The following PRUNE2 variants were observed in gnomAD, a reference collection of about 807,000 sequenced individuals.
PRUNE2 encodes the protein protein prune homolog 2.
Under a neutral mutation model 252.0 loss-of-function variants are expected in PRUNE2, and 164 were observed. That is an observed-to-expected ratio of 0.65 (90% CI 0.57 to 0.74). PRUNE2 has a LOEUF of 0.74. PRUNE2 is among the 30% of genes least tolerant of loss of function. The probability of loss-of-function intolerance (pLI) is 0.00; values close to 1 mark genes in which losing one functional copy is unlikely to be tolerated. For synonymous variants in PRUNE2, 1,292 were observed against 1,350.2 expected, an observed-to-expected ratio of 0.96 and a Z score of 0.94; for missense variants, 3,495 against 3,711.0, an observed-to-expected ratio of 0.94 and a Z score of 1.51.
At chr9:76,860,773 G>A (rs138398030) in intron 1 of PRUNE2, among the ~76,000 whole-genome samples, 183 of 152,288 alleles carry the variant, frequency 1.2e-3, no homozygotes, top group African/African-American at 4.3e-3. Flanking sequence ...CCAAAAAAAT[G>A]AAGAAACAAG....
At chr9:76,692,706 C>A in intron 9 of PRUNE2, 1 of 153,182 alleles carries the variant, frequency 6.5e-6, no homozygotes, top group South Asian at 2.1e-4. Flanking sequence ...AGTCACAAGG[C>A]CAAGTTCAAA....
chr9:76,888,715 G>A (rs900217293), intron 1 of PRUNE2, among the ~76,000 whole-genome samples: 3 of 151,962 alleles, frequency 2.0e-5, no homozygotes, highest in Non-Finnish European at 4.4e-5. Flanking sequence ...TTTTCTGTAG[G>A]GCGAGTGGTG....
chr9:76,877,206 T>TAA (rs34647421), intron 1 of PRUNE2, among the ~76,000 whole-genome samples: 4 of 146,446 alleles, frequency 2.7e-5, no homozygotes, highest in African/African-American at 9.9e-5. Context: ...CATTTTTCAT[T>TAA]AAAAAAAAAA....
chr9:76,670,562 G>A (rs567866278), intron 9 of PRUNE2, among the ~76,000 whole-genome samples: 15 of 152,244 alleles, frequency 9.9e-5, no homozygotes, highest in East Asian at 1.9e-4. Context: ...AGCTCAAGGA[G>A]GCCTGCCTGC....
chr9:76,760,483 G>A (rs1316262012), intron 6 of PRUNE2, among the ~76,000 whole-genome samples: 1 of 151,788 alleles, frequency 6.6e-6, no homozygotes, highest in African/African-American at 2.4e-5. Flanking sequence ...ATAATTCCAG[G>A]TCACATGCTT....
chr9:76,629,830 A>G (rs1330386985), intron 15 of PRUNE2, among the ~76,000 whole-genome samples: 1 of 152,172 alleles, frequency 6.6e-6, no homozygotes, highest in Non-Finnish European at 1.5e-5. Flanking sequence ...GATGCCACAT[A>G]TAAGTGAGAT....
intron 12 of PRUNE2, among the ~76,000 whole-genome samples, chr9:76,639,299 C>T (rs548436026): frequency 1.4e-4 from 21 of 152,058 alleles, no homozygotes; most frequent in East Asian, 1.2e-3. Flanking sequence ...CGAGACCACC[C>T]GGACAGCACG....
intron 6 of PRUNE2, among the ~76,000 whole-genome samples, chr9:76,744,369 C>A (rs1023516901): frequency 6.6e-6 from 1 of 152,172 alleles, no homozygotes; most frequent in Non-Finnish European, 1.5e-5. Flanking sequence ...TAGAGAGAGG[C>A]CTCACTGGTG....
intron 6 of PRUNE2, among the ~76,000 whole-genome samples, chr9:76,820,202 C>T (rs563824866): frequency 2.0e-5 from 3 of 152,294 alleles, no homozygotes; most frequent in Middle Eastern, 3.4e-3. Context: ...TTCTACACAC[C>T]GCCCCTCAAA....
chr9:76,664,510 A>G (rs2039746728), intron 9 of PRUNE2, among the ~76,000 whole-genome samples: 1 of 152,094 alleles, frequency 6.6e-6, no homozygotes, highest in Non-Finnish European at 1.5e-5. Flanking sequence ...CTAAACTTTG[A>G]TATTATTTAT....
rs115335815 is a variant in PRUNE2 at position 76,706,181 on chromosome 9, T to C, written c.6093A>G (p.Pro2031=). 1,926 of 1,614,008 alleles carry C rather than the reference T, an allele frequency of 1.2e-3. 21 individuals carry two copies. The African/African-American group carries it at 0.022, about 19-fold the overall frequency. ...VSSPTQLIMK[P]GSEWDGSTPS... is the part of the protein sequence containing the mutation. ...GGGTAGAGCCATCCCATTCAGAGCCTGGCTTCATTATCAGTTGGGTGGGAG... is the reference window on the plus strand; with the variant it reads ...GGGTAGAGCCATCCCATTCAGAGCCCGGCTTCATTATCAGTTGGGTGGGAG... The change falls in exon 8 of 19, where the codon CCA becomes CCG. Residue 2031 remains proline, a synonymous_variant. Coordinates refer to ENST00000376718, the MANE Select transcript of PRUNE2 (RefSeq NM_015225.3).
In PRUNE2 at chr9:76,850,629, T is replaced by C. The variant is rs780042698; in HGVS notation, c.178A>G (p.Asn60Asp). Reference sequence around the variant, plus strand: ...TAGTTGAATTCAGTTCTTGGTATGTTCAGCACTGGTAAACACAGAACCCCT... The same window carrying C: ...TAGTTGAATTCAGTTCTTGGTATGTCCAGCACTGGTAAACACAGAACCCCT... ...PPGVLCLPVLNIPRTEFNYFT... is the reference protein window; with the variant it reads ...PPGVLCLPVLDIPRTEFNYFT... Residue 60 changes from asparagine (N) to aspartate (D), a missense_variant, in exon 3 of 19, where the codon AAC (asparagine) becomes GAC (aspartate). Coordinates refer to ENST00000376718, the MANE Select transcript of PRUNE2 (RefSeq NM_015225.3). 1 of 1,614,096 alleles carries C rather than the reference T, an allele frequency of 6.2e-7. No individual in the cohort carries two copies. The highest frequency in any genetic ancestry group is 8.5e-7 in the Non-Finnish European group (1 of 1,179,986).
intron 1 of PRUNE2, chr9:76,862,711 T>C (rs1333901359): frequency 1.3e-5 from 2 of 152,024 alleles, no homozygotes; most frequent in Admixed American, 1.3e-4. Context: ...TTGTAGAAAC[T>C]CACAAAAAAA....
chr9:76,839,830 A>G (rs1335347534), intron 4 of PRUNE2, among the ~76,000 whole-genome samples: 2 of 152,190 alleles, frequency 1.3e-5, no homozygotes, highest in Admixed American at 6.5e-5. Flanking sequence ...TTCTAGATGG[A>G]GGGTCAGCAG....
At chr9:76,773,625 G>A (rs748399706) in intron 6 of PRUNE2, among the ~76,000 whole-genome samples, 27 of 151,970 alleles carry the variant, frequency 1.8e-4, no homozygotes, top group Non-Finnish European at 3.4e-4. Context: ...TGTACTTTTA[G>A]TACAGGAGGG....
chr9:76,895,836 TGCAGTG>T lies in PRUNE2; in HGVS notation c.36+10086_36+10091del, dbSNP rs112833574. On this transcript the variant is annotated intron_variant, in intron 1 of 18. Coordinates refer to ENST00000376718, the MANE Select transcript of PRUNE2 (RefSeq NM_015225.3). The stretch of plus-strand genomic sequence containing the variant: ...TCTAGCTCTGTCACCCAGGCTGGAG[TGCAGTG>T]GCACCATCTTGGCTCACTGCAACCT... 7.8e-3 allele frequency among the ~76,000 whole-genome samples: 1,184 copies of T among 152,240 alleles called. 13 individuals are homozygous for T. Among genetic ancestry groups the T allele is most frequent in the African/African-American group, 0.026 (1,092 of 41,534 alleles).
chr9:76,797,120 A>G (rs972054664), intron 6 of PRUNE2, among the ~76,000 whole-genome samples: 15 of 152,192 alleles, frequency 9.9e-5, no homozygotes, highest in African/African-American at 3.4e-4. Flanking sequence ...CATTTTGATC[A>G]CTGTGTACTG....
At chr9:76,780,519 C>T (rs1194860273) in intron 6 of PRUNE2, among the ~76,000 whole-genome samples, 1 of 151,758 alleles carries the variant, frequency 6.6e-6, no homozygotes, top group Non-Finnish European at 1.5e-5. Context: ...AACCCTGTTT[C>T]TAATAAAAAA....
intron 1 of PRUNE2, among the ~76,000 whole-genome samples, chr9:76,861,573 C>G (rs1430137859): frequency 6.6e-6 from 1 of 152,278 alleles, no homozygotes; most frequent in African/African-American, 2.4e-5. Flanking sequence ...CCCGGTCAGG[C>G]TTCTTGAAGC....
Sources: gnomAD v4.1 joint callset for allele counts (sites outside exome capture counted in the v4.1 genomes callset) on GRCh38, gnomAD v4.1.1 for gene constraint, MANE v1.5 for transcripts, NCBI Gene and HGNC (gene_info 2026-07-23, HGNC 2026-07-21) for gene names.